Variants in PLXNA4 observed in about 807,000 individuals in gnomAD.
PLXNA4 encodes the protein plexin A4.
PLXNA4 carries 44 observed loss-of-function variants against 191.8 expected under a neutral mutation model. The observed-to-expected ratio is 0.23, with a 90% CI of 0.18 to 0.29. PLXNA4 has a LOEUF of 0.29. Among genes scored for constraint, PLXNA4 ranks in the 10% least tolerant of loss-of-function variants. PLXNA4 has a pLI of 1.00. For missense variants in PLXNA4, 1,800 were observed against 2,488.8 expected (o/e 0.72, Z 5.89); for synonymous variants, 1,082 against 1,009.5 (o/e 1.07, Z -1.36).
chr7:132,536,096 C>T (rs183819509), intron 1 of PLXNA4, among the ~76,000 whole-genome samples: 2 of 152,316 alleles, frequency 1.3e-5, no homozygotes, highest in African/African-American at 4.8e-5. Context: ...CTCTGAACCT[C>T]GGACCCTCGT....
At chr7:132,210,240 A>C (rs1480714007) in intron 10 of PLXNA4, among the ~76,000 whole-genome samples, 1 of 152,234 alleles carries the variant, frequency 6.6e-6, no homozygotes, top group Non-Finnish European at 1.5e-5. Flanking sequence ...AGTAGCTGGA[A>C]AGGCAACATG....
At chr7:132,554,803 TC>T (rs1800717231) in intron 1 of PLXNA4, among the ~76,000 whole-genome samples, 1 of 152,220 alleles carries the variant, frequency 6.6e-6, no homozygotes, top group Admixed American at 6.5e-5. Context: ...AGTGAGGACA[TC>T]CAAGTATGCA....
Position 132,130,686 on chromosome 7 carries a change from T to C in PLXNA4, c.5590-112A>G, listed in dbSNP as rs1041313550. 14 of 1,512,058 alleles carry C rather than the reference T, an allele frequency of 9.3e-6. No individual in the cohort carries two copies. In the East Asian group the frequency reaches 1.4e-4, roughly 15 times the overall value. 93.7% of individuals were successfully genotyped at this position (1,512,058 alleles called of 1,614,324 possible). Reference sequence around the variant, plus strand: ...TCAGAAGCCCGGGAAGCCACAGGCATGTGCAGGGGCACACAGGACACTGCG... The same window carrying C: ...TCAGAAGCCCGGGAAGCCACAGGCACGTGCAGGGGCACACAGGACACTGCG... On this transcript the variant is annotated intron_variant, in intron 31 of 31. Transcript: ENST00000321063.
chr7:132,446,536 C>T (rs541505463), intron 3 of PLXNA4, among the ~76,000 whole-genome samples: 3 of 152,324 alleles, frequency 2.0e-5, no homozygotes, highest in East Asian at 3.9e-4. Context: ...GAAATCTGAA[C>T]TCTGACTCTA....
At chr7:132,353,537 C>T (rs1803575047) in intron 3 of PLXNA4, among the ~76,000 whole-genome samples, 1 of 152,020 alleles carries the variant, frequency 6.6e-6, no homozygotes, top group Non-Finnish European at 1.5e-5. Context: ...AGTTTCTCCT[C>T]CTAATACATA....
At chr7:132,447,880 G>A (rs1795971389) in intron 3 of PLXNA4, among the ~76,000 whole-genome samples, 1 of 152,028 alleles carries the variant, frequency 6.6e-6, no homozygotes, top group Non-Finnish European at 1.5e-5. Flanking sequence ...GTGTGGTGGT[G>A]TGTGCCTCTG....
intron 2 of PLXNA4, among the ~76,000 whole-genome samples, chr7:132,500,059 G>A (rs1212942224): frequency 6.6e-6 from 1 of 152,220 alleles, no homozygotes; most frequent in Admixed American, 6.5e-5. Context: ...GTGTGGTGAT[G>A]TGCAGTCCTT....
intron 3 of PLXNA4, among the ~76,000 whole-genome samples, chr7:132,333,892 T>C (rs1461391900): frequency 1.3e-5 from 2 of 152,152 alleles, no homozygotes; most frequent in Non-Finnish European, 2.9e-5. Flanking sequence ...ATTTTTTCTC[T>C]CTCTTCTTTC....
intron 3 of PLXNA4, among the ~76,000 whole-genome samples, chr7:132,454,494 G>A (rs1796244645): frequency 6.6e-6 from 1 of 152,056 alleles, no homozygotes; most frequent in African/African-American, 2.4e-5. Context: ...TACAAAAGGA[G>A]GCCAAGTAGA....
At chr7:132,389,889 T>C (rs1357305325) in intron 3 of PLXNA4, among the ~76,000 whole-genome samples, 5 of 152,154 alleles carry the variant, frequency 3.3e-5, no homozygotes, top group African/African-American at 7.2e-5. Flanking sequence ...ACCAGTTAGA[T>C]TGGTGATAAT....
chr7:132,441,065 T>A (rs1252066717), intron 3 of PLXNA4, among the ~76,000 whole-genome samples: 1 of 152,246 alleles, frequency 6.6e-6, no homozygotes, highest in Non-Finnish European at 1.5e-5. Flanking sequence ...TATTGAAGAC[T>A]CAGCTTCCTC....
In PLXNA4 at chr7:132,592,578, C is replaced by CAA. The variant is rs1563189079; in HGVS notation, c.-87+53349_-87+53350insTT. Among the ~76,000 whole-genome samples the CAA allele has an allele frequency of 4.0e-5, 6 of 149,568 alleles. No individual in the cohort carries two copies. The South Asian group carries it at 1.1e-3, about 26-fold the overall frequency. On this transcript the variant is annotated intron_variant, in intron 2 of 4. Transcript: ENST00000378539. ...CCTTTAAAAACCCACATTAAATTCTCGTTTAACGATTTGACGGGGTCCCCT... is the reference window on the plus strand; with the variant it reads ...CCTTTAAAAACCCACATTAAATTCTCAAGTTTAACGATTTGACGGGGTCCCCT...
At chr7:132,469,554 T>C (rs1394060256) in intron 3 of PLXNA4, among the ~76,000 whole-genome samples, 5 of 152,218 alleles carry the variant, frequency 3.3e-5, no homozygotes, top group Non-Finnish European at 5.9e-5. Context: ...AATAATTTGA[T>C]TGTGGAGTTC....
chr7:132,365,634 G>A (rs567524979), intron 3 of PLXNA4, among the ~76,000 whole-genome samples: 23 of 152,250 alleles, frequency 1.5e-4, no homozygotes, highest in African/African-American at 5.1e-4. Flanking sequence ...GAGAAGTGAA[G>A]TGCAAATCCA....
intron 31 of PLXNA4, among the ~76,000 whole-genome samples, chr7:132,132,393 TTCTGTTCTGTTCTGTTCTGTTCTGTTCTG>T (rs1794957410): frequency 2.5e-5 from 1 of 39,868 alleles, no homozygotes; most frequent in South Asian, 8.1e-4. Context: ...TTCTGTTCTG[TTCTGTTCTGTTCTGTTCTGTTCTGTTCTG>T]TTCTGTTCTG....
rs1433390 is a variant in PLXNA4 at position 132,410,979 on chromosome 7, G to A, written c.1371+78313C>T. 2.2e-3 allele frequency among the ~76,000 whole-genome samples: 342 copies of A among 152,272 alleles called. 3 individuals are homozygous for A. Among genetic ancestry groups the A allele is most frequent in the Non-Finnish European group, 3.3e-3 (226 of 68,022 alleles). ...GTAGCATCTTTTAGAAAAAGTTCTG[G>A]TGCTTTGGCCATCATCCCGATTACG... On this transcript the variant is annotated intron_variant, in intron 3 of 31. Transcript: ENST00000321063.
At chr7:132,422,034 G>A (rs186366024) in intron 3 of PLXNA4, among the ~76,000 whole-genome samples, 184 of 152,336 alleles carry the variant, frequency 1.2e-3, no homozygotes, top group Middle Eastern at 6.8e-3. Flanking sequence ...CTTTCACAGG[G>A]AAGTCGTTGT....
At chr7:132,589,474 T>C (rs924065708) in intron 2 of PLXNA4, among the ~76,000 whole-genome samples, 2 of 152,234 alleles carry the variant, frequency 1.3e-5, no homozygotes, top group South Asian at 2.1e-4. Flanking sequence ...ATTATTTAAC[T>C]AGCATGTTGC....
chr7:132,511,768 A>T (rs1798724185), intron 1 of PLXNA4, among the ~76,000 whole-genome samples: 1 of 152,212 alleles, frequency 6.6e-6, no homozygotes, highest in South Asian at 2.1e-4. Flanking sequence ...AAGAGTCAAG[A>T]TGGTTCACCT....
Sources: allele counts gnomAD v4.1 joint callset (sites outside exome capture counted in the v4.1 genomes callset), GRCh38; gene constraint gnomAD v4.1.1; transcripts MANE v1.5; gene names NCBI Gene and HGNC (gene_info 2026-07-23, HGNC 2026-07-21).